EPHA5: variants seen among roughly 807,000 people sequenced by gnomAD.
EPHA5 encodes the protein EPH receptor A5, also known as ephrin type-A receptor 5.
A neutral mutation model predicts 105.0 loss-of-function variants in EPHA5; 60 were observed. That is an observed-to-expected ratio of 0.57 (90% CI 0.46 to 0.71). The LOEUF (loss-of-function observed/expected upper bound fraction) is 0.71, where lower values mean the gene tolerates loss of function less well. Ranked by LOEUF, EPHA5 falls within the 30% of genes least tolerant of loss-of-function variation. The probability of loss-of-function intolerance (pLI) is 0.00; values close to 1 mark genes in which losing one functional copy is unlikely to be tolerated. For missense variants in EPHA5, 1,218 were observed against 1,274.7 expected, an observed-to-expected ratio of 0.96 and a Z score of 0.68; for synonymous variants, 513 against 449.1, an observed-to-expected ratio of 1.14 and a Z score of -1.80.
intron 3 of EPHA5, among the ~76,000 whole-genome samples, chr4:65,587,890 C>T (rs1244285586): frequency 6.6e-6 from 1 of 152,090 alleles, no homozygotes; most frequent in African/African-American, 2.4e-5. Context: ...TTCTGGGGTG[C>T]CTCCCTCTCA....
chr4:65,348,697 T>TATAA (rs1434874583), intron 13 of EPHA5, among the ~76,000 whole-genome samples: 1 of 24,434 alleles, frequency 4.1e-5, no homozygotes, highest in African/African-American at 1.1e-4. Context: ...TATATATATA[T>TATAA]AAAATATATA....
At chr4:65,425,365 A>G (rs1724329297) in intron 5 of EPHA5, among the ~76,000 whole-genome samples, 1 of 152,070 alleles carries the variant, frequency 6.6e-6, no homozygotes, top group Admixed American at 6.6e-5. Context: ...TGCACACTTT[A>G]TCATATTAAG....
intron 5 of EPHA5, among the ~76,000 whole-genome samples, chr4:65,436,344 A>G (rs1725480214): frequency 1.3e-5 from 2 of 150,768 alleles, no homozygotes; most frequent in Admixed American, 6.6e-5. Context: ...AAATAGTGCT[A>G]TAAACAGACA....
chr4:65,465,527 GAAA>G (rs371854675), intron 5 of EPHA5, among the ~76,000 whole-genome samples: 1 of 70,922 alleles, frequency 1.4e-5, no homozygotes, highest in Non-Finnish European at 2.7e-5. Flanking sequence ...AAGAAAGAAA[GAAA>G]AGAAAGGAAA....
At chr4:65,568,533 C>A (rs547455698) in intron 3 of EPHA5, among the ~76,000 whole-genome samples, 1 of 151,022 alleles carries the variant, frequency 6.6e-6, no homozygotes, top group Admixed American at 6.6e-5. Context: ...TAATTAACAA[C>A]AACGCATCCC....
At chr4:65,365,651 A>ATATG (rs1717808989) in intron 10 of EPHA5, among the ~76,000 whole-genome samples, 1 of 16,068 alleles carries the variant, frequency 6.2e-5, no homozygotes, top group Non-Finnish European at 1.0e-4. Flanking sequence ...CAAATTCACT[A>ATATG]TATATATATA....
At chr4:65,599,608 A>G (rs187233321) in intron 3 of EPHA5, among the ~76,000 whole-genome samples, 14 of 152,256 alleles carry the variant, frequency 9.2e-5, no homozygotes, top group Admixed American at 3.3e-4. Flanking sequence ...TGTGTGAAAC[A>G]TTCTCTGGGC....
chr4:65,658,903 CT>C (rs1439753262), intron 1 of EPHA5, among the ~76,000 whole-genome samples: 4 of 152,110 alleles, frequency 2.6e-5, no homozygotes, highest in African/African-American at 9.7e-5. Flanking sequence ...CTTCTCTAAT[CT>C]ATTCTACAGG....
At chr4:65,659,242 G>T (rs1182786971) in intron 1 of EPHA5, among the ~76,000 whole-genome samples, 1 of 136,540 alleles carries the variant, frequency 7.3e-6, no homozygotes, top group Non-Finnish European at 1.5e-5. Context: ...TAGGATTTTG[G>T]GTATGCATGC....
At chr4:65,640,276 T>TA (rs1229778999) in intron 2 of EPHA5, among the ~76,000 whole-genome samples, 2 of 23,742 alleles carry the variant, frequency 8.4e-5, no homozygotes, top group Non-Finnish European at 8.7e-5. Flanking sequence ...CATTGCTCAG[T>TA]TTTTTCTTTT....
At chr4:65,351,804 A>G (rs1722846761) in intron 12 of EPHA5, among the ~76,000 whole-genome samples, 1 of 152,020 alleles carries the variant, frequency 6.6e-6, no homozygotes, top group South Asian at 2.1e-4. Context: ...AAGCAGATAA[A>G]GGTTTTGAAA....
intron 5 of EPHA5, among the ~76,000 whole-genome samples, chr4:65,430,556 T>C (rs1560529011): frequency 6.6e-6 from 1 of 151,948 alleles, no homozygotes; most frequent in Non-Finnish European, 1.5e-5. Flanking sequence ...CCAGACAGTT[T>C]ATAGTTTAAG....
At chr4:65,570,433 G>A in intron 3 of EPHA5, among the ~76,000 whole-genome samples, 1 of 147,032 alleles carries the variant, frequency 6.8e-6, no homozygotes, top group Non-Finnish European at 1.5e-5. Flanking sequence ...GATGGCCTTG[G>A]TTTTTTTTTT....
intron 3 of EPHA5, among the ~76,000 whole-genome samples, chr4:65,598,966 G>C (rs1045744510): frequency 1.3e-5 from 2 of 152,032 alleles, no homozygotes; most frequent in Admixed American, 6.6e-5. Context: ...GTGTGTGAAG[G>C]GGGGAGGTTT....
chr4:65,397,505 C>T (rs1183888011), intron 8 of EPHA5, among the ~76,000 whole-genome samples: 1 of 152,150 alleles, frequency 6.6e-6, no homozygotes, highest in Admixed American at 6.5e-5. Flanking sequence ...TTATTTCTCT[C>T]TTAAAGTTTA....
intron 5 of EPHA5, among the ~76,000 whole-genome samples, chr4:65,481,587 C>A (rs1030095019): frequency 6.6e-6 from 1 of 152,098 alleles, no homozygotes; most frequent in South Asian, 2.1e-4. Context: ...TCTTTCTGAC[C>A]AAATCTATTA....
At chr4:65,343,213 A>G (rs896396010) in intron 14 of EPHA5, among the ~76,000 whole-genome samples, 1 of 152,154 alleles carries the variant, frequency 6.6e-6, no homozygotes, top group Non-Finnish European at 1.5e-5. Context: ...TTTACTATCA[A>G]TAAATAGGCT....
intron 10 of EPHA5, among the ~76,000 whole-genome samples, chr4:65,365,586 G>A (rs1278880711): frequency 3.7e-5 from 5 of 135,518 alleles, no homozygotes; most frequent in Non-Finnish European, 6.3e-5. Flanking sequence ...TAGAAAAAAA[G>A]GAAACAATTT....
chr4:65,470,775 A>G (rs1729209141), intron 5 of EPHA5, among the ~76,000 whole-genome samples: 1 of 152,234 alleles, frequency 6.6e-6, no homozygotes, highest in Non-Finnish European at 1.5e-5. Context: ...TTGAAGAACA[A>G]GCCACTAATA....
Sources: gnomAD v4.1 joint callset for allele counts (sites outside exome capture counted in the v4.1 genomes callset) on GRCh38, gnomAD v4.1.1 for gene constraint, MANE v1.5 for transcripts, NCBI Gene and HGNC (gene_info 2026-07-23, HGNC 2026-07-21) for gene names.